NBPF3: variants seen among roughly 807,000 people sequenced by gnomAD.
NBPF3 encodes NBPF member 3, also known as NBPF family member NBPF3.
A neutral mutation model predicts 78.1 loss-of-function variants in NBPF3; 57 were observed. The observed-to-expected ratio is 0.73, with a 90% CI of 0.59 to 0.91. The LOEUF is 0.91. NBPF3 is among the 40% of genes least tolerant of loss of function. The pLI is 0.00. For missense variants in NBPF3, 510 were observed against 715.3 expected (o/e 0.71, Z 3.27); for synonymous variants, 182 against 271.7 (o/e 0.67, Z 3.25).
At chr1:21,437,593 C>T (rs1640450578), upstream of NBPF3, 1 of 667,454 alleles carries the variant, frequency 1.5e-6, no homozygotes, top group Non-Finnish European at 2.3e-6. Flanking sequence ...GGCATAACAC[C>T]AGTCGAGCCT....
At position 21,448,331 on chromosome 1, in the gene NBPF3, A is replaced by T. The variant is rs531354251; in HGVS notation, c.133+3112A>T. ...AACATGCATACCTGGATTTATTATT[A>T]TTTTTTTTTTTTGCATGTGTTTGTC... On this transcript the variant is annotated intron_variant, in intron 2 of 14. Transcript: ENST00000318249. Among the ~76,000 whole-genome samples the T allele has an allele frequency of 7.6e-3, 1,097 of 143,818 alleles. 13 individuals carry two copies. The highest frequency in any genetic ancestry group is 0.025 in the African/African-American group (967 of 39,342). The allele number at this position is 143,818 out of a possible 152,430, so 94.4% of individuals were successfully genotyped here.
intron 9 of NBPF3, among the ~76,000 whole-genome samples, chr1:21,478,699 G>A (rs144853635): frequency 3.9e-5 from 6 of 152,326 alleles, no homozygotes; most frequent in Middle Eastern, 3.4e-3. Flanking sequence ...GCATGTCTGT[G>A]CAGTGCTTTA....
intron 7 of NBPF3, among the ~76,000 whole-genome samples, chr1:21,473,915 A>G (rs528103158): frequency 6.6e-6 from 1 of 152,308 alleles, no homozygotes; most frequent in East Asian, 1.9e-4. Context: ...AACAATGTCC[A>G]TGAAATTTCT....
At chr1:21,466,741 A>T (rs1642291444) in intron 2 of NBPF3, among the ~76,000 whole-genome samples, 1 of 152,212 alleles carries the variant, frequency 6.6e-6, no homozygotes, top group South Asian at 2.1e-4. Context: ...AAACCAAAAA[A>T]AAAAAGGAAA....
Position 21,479,364 on chromosome 1 carries a change from A to G in NBPF3, c.1172A>G (p.Gln391Arg), listed in dbSNP as rs1346096104. Reference protein sequence around the residue: ...ALDIGRHWCDQVKKEDQEATS... With the variant: ...ALDIGRHWCDRVKKEDQEATS... The stretch of plus-strand genomic sequence containing the variant: ...TTATTTGCAGGACATTGGTGTGATC[A>G]AGTGAAAAAGGAGGACCAAGAGGCC... The change falls in exon 10 of 15, where the codon CAA becomes CGA. Residue 391 changes from glutamine to arginine, a missense_variant. Coordinates refer to ENST00000318249, the MANE Select transcript of NBPF3 (RefSeq NM_032264.6). The G allele has an allele frequency of 5.0e-6, 8 of 1,611,450 alleles. No individual in the cohort carries two copies. Among genetic ancestry groups the G allele is most frequent in the Non-Finnish European group, 5.9e-6 (7 of 1,178,474 alleles).
At chr1:21,479,729 A>C (rs1246620249) in intron 10 of NBPF3, among the ~76,000 whole-genome samples, 1 of 152,088 alleles carries the variant, frequency 6.6e-6, no homozygotes, top group Non-Finnish European at 1.5e-5. Context: ...CTGAAGGCAC[A>C]AATATAGAGT....
At chr1:21,469,033 C>A in intron 3 of NBPF3, 136 bp downstream of exon 3, 1 of 757,900 alleles carries the variant, frequency 1.3e-6, no homozygotes, top group Non-Finnish European at 2.2e-6. Flanking sequence ...GGCATTTTCA[C>A]ATTTTGTTAA....
At position 21,445,493 on chromosome 1, in the gene NBPF3, T is replaced by A. The variant is rs1187243825; in HGVS notation, c.133+274T>A. On this transcript the variant is annotated intron_variant, in intron 2 of 14. Transcript: ENST00000318249. ...CTTTTCCTTACTAGCTAGATCTGCA[T>A]CCCTCTCCCCGCTCTTCCCCTCTCA... Among the ~76,000 whole-genome samples the A allele has an allele frequency of 3.3e-5, 5 of 151,996 alleles. No homozygotes were observed. The East Asian group carries it at 5.8e-4, about 18-fold the overall frequency.
chr1:21,481,271 C>G (rs1192385993), intron 12 of NBPF3, among the ~76,000 whole-genome samples: 1 of 151,286 alleles, frequency 6.6e-6, no homozygotes, highest in African/African-American at 2.4e-5. Flanking sequence ...TGAGCACAGT[C>G]TTTTCATGAT....
chr1:21,443,107 GTCTGTT>G (rs2147890632), intron 1 of NBPF3, among the ~76,000 whole-genome samples: 1 of 152,198 alleles, frequency 6.6e-6, no homozygotes, highest in African/African-American at 2.4e-5. Flanking sequence ...ATTAGTGTGG[GTCTGTT>G]TCTGTTTCTG....
intron 3 of NBPF3, among the ~76,000 whole-genome samples, chr1:21,470,018 G>GC (rs1642497113): frequency 1.7e-4 from 12 of 69,444 alleles, no homozygotes; most frequent in Middle Eastern, 9.8e-3. Flanking sequence ...TTGGCACAGA[G>GC]TTAACACTCT....
chr1:21,477,967 A>G, intron 8 of NBPF3, 177 bp from the exon 9 acceptor site: 1 of 1,412,210 alleles, frequency 7.1e-7, no homozygotes, highest in Non-Finnish European at 9.6e-7. Flanking sequence ...TTCGGTCCTC[A>G]GAGCAGTCAC....
At chr1:21,474,161 A>T (rs1254792846) in intron 7 of NBPF3, among the ~76,000 whole-genome samples, 2 of 151,504 alleles carry the variant, frequency 1.3e-5, no homozygotes, top group African/African-American at 2.4e-5. Context: ...AATGTTTTGT[A>T]GCATCATAGA....
Position 21,473,392 on chromosome 1 carries a change from G to A in NBPF3, c.747G>A (p.Lys249=). 4 of 1,614,082 alleles carry A rather than the reference G, an allele frequency of 2.5e-6. No homozygotes were observed. The Admixed American group carries it at 5.0e-5, about 20-fold the overall frequency. The change falls in exon 7 of 15, where the codon AAG becomes AAA. Residue 249 remains lysine (K), a synonymous_variant. Transcript: ENST00000318249. ...QELYAPREVQ[K]AEEKEVPEDS... ...CCTGGCTCATCAGGGAGGTGCAGAA[G>A]GCTGAAGAAAAGGAAGTCCCTGAGG...
chr1:21,446,209 G>A (rs975212112), intron 2 of NBPF3: 2 of 152,304 alleles, frequency 1.3e-5, no homozygotes, highest in African/African-American at 2.4e-5. Flanking sequence ...GTCTCATCTC[G>A]TTCTTGTGAG....
Position 21,479,173 on chromosome 1 carries a change from A to T in NBPF3, c.1157-176A>T, listed in dbSNP as rs192203000. 2.0e-5 allele frequency among the ~76,000 whole-genome samples: 3 copies of T among 152,364 alleles called. No individual in the cohort carries two copies. In the East Asian group the frequency reaches 5.8e-4, roughly 29 times the overall value. ...CATTTTGCCCAAGGCTCATGAAAGGAACCAAGTCAGTTCTCTCAAGACTTG... is the reference window on the plus strand; with the variant it reads ...CATTTTGCCCAAGGCTCATGAAAGGTACCAAGTCAGTTCTCTCAAGACTTG... On this transcript the variant is annotated intron_variant, in intron 9 of 14. Transcript: ENST00000318249.
At chr1:21,467,898 A>G (rs150752034) in intron 2 of NBPF3, among the ~76,000 whole-genome samples, 4,527 of 152,308 alleles carry the variant, frequency 0.03, 90 homozygotes, top group Non-Finnish European at 0.045. Flanking sequence ...AGTGTAATGA[A>G]AAGCAAAGAT....
At chr1:21,449,833 GA>G in intron 2 of NBPF3, 1 of 530,352 alleles carries the variant, frequency 1.9e-6, no homozygotes, top group Non-Finnish European at 2.4e-6. Context: ...TCGCATGCCT[GA>G]AATACCCCTC....
At chr1:21,455,079 C>T (rs1046730902) in intron 2 of NBPF3, among the ~76,000 whole-genome samples, 2 of 152,158 alleles carry the variant, frequency 1.3e-5, no homozygotes, top group Admixed American at 1.3e-4. Flanking sequence ...TAGAGGCCTC[C>T]CATGTTCCCA....
Sources: allele counts gnomAD v4.1 joint callset (sites outside exome capture counted in the v4.1 genomes callset), GRCh38; gene constraint gnomAD v4.1.1; transcripts MANE v1.5; gene names NCBI Gene and HGNC (gene_info 2026-07-23, HGNC 2026-07-21).